Variants in STX18 observed in about 807,000 individuals in gnomAD.
STX18 encodes syntaxin-18.
STX18 carries 40 observed loss-of-function variants against 50.1 expected under a neutral mutation model. That is an observed-to-expected ratio of 0.80 (90% CI 0.62 to 1.04). The LOEUF is 1.04. STX18 is among the 50% of genes least tolerant of loss of function. STX18 has a pLI of 0.00. For missense variants in STX18, 410 were observed against 415.8 expected, an observed-to-expected ratio of 0.99 and a Z score of 0.12; for synonymous variants, 158 against 151.8, an observed-to-expected ratio of 1.04 and a Z score of -0.30.
intron 5 of STX18, among the ~76,000 whole-genome samples, chr4:4,443,053 G>A (rs1726206291): frequency 6.6e-6 from 1 of 152,158 alleles, no homozygotes; most frequent in South Asian, 2.1e-4. Flanking sequence ...CTGTGAAGTA[G>A]GCACTTCCGT....
chr4:4,467,563 T>C (rs1222767211), intron 2 of STX18, among the ~76,000 whole-genome samples: 2 of 152,192 alleles, frequency 1.3e-5, no homozygotes, highest in Admixed American at 6.5e-5. Flanking sequence ...GCTCACCAGC[T>C]GTGATCTTCA....
intron 1 of STX18, among the ~76,000 whole-genome samples, chr4:4,485,586 T>C (rs531379563): frequency 2.6e-4 from 39 of 152,172 alleles, no homozygotes; most frequent in African/African-American, 9.4e-4. Flanking sequence ...GTAAGCAAGA[T>C]ACTCTTAGTA....
At chr4:4,429,176 G>A (rs1477943306) in intron 7 of STX18, among the ~76,000 whole-genome samples, 1 of 152,132 alleles carries the variant, frequency 6.6e-6, no homozygotes, top group African/African-American at 2.4e-5. Flanking sequence ...CTCTCCATAT[G>A]GGTTGCATAA....
intron 1 of STX18, among the ~76,000 whole-genome samples, chr4:4,500,881 A>G (rs915513484): frequency 2.6e-5 from 4 of 152,148 alleles, no homozygotes; most frequent in African/African-American, 4.8e-5. Context: ...ACTAAAAAAT[A>G]CAAAAATTAG....
intron 1 of STX18, among the ~76,000 whole-genome samples, chr4:4,524,703 G>A (rs144826329): frequency 4.7e-4 from 72 of 152,350 alleles, no homozygotes; most frequent in Middle Eastern, 3.4e-3. Flanking sequence ...TTGGTTCACC[G>A]AGTCCAGCCA....
intron 1 of STX18, among the ~76,000 whole-genome samples, chr4:4,541,431 GCAA>G (rs1296797061): frequency 6.6e-6 from 1 of 152,192 alleles, no homozygotes; most frequent in Non-Finnish European, 1.5e-5. Context: ...GGTCAGTGCT[GCAA>G]CAGGAAGCGA....
intron 2 of STX18, among the ~76,000 whole-genome samples, chr4:4,461,066 G>C (rs990495606): frequency 6.6e-6 from 1 of 152,220 alleles, no homozygotes; most frequent in African/African-American, 2.4e-5. Context: ...GAAATGACTA[G>C]TTCCAAGAAC....
At chr4:4,529,441 A>G (rs112774599) in intron 1 of STX18, among the ~76,000 whole-genome samples, 1 of 152,274 alleles carries the variant, frequency 6.6e-6, no homozygotes, top group Admixed American at 6.5e-5. Flanking sequence ...ATATTTCCCC[A>G]AAAGTTAGTC....
At chr4:4,475,266 C>T (rs1178433559) in intron 1 of STX18, among the ~76,000 whole-genome samples, 1 of 152,090 alleles carries the variant, frequency 6.6e-6, no homozygotes, top group Non-Finnish European at 1.5e-5. Flanking sequence ...AAACAGAGTG[C>T]AGGTGGTTCA....
chr4:4,479,968 A>G (rs531782808), intron 1 of STX18, among the ~76,000 whole-genome samples: 4 of 152,346 alleles, frequency 2.6e-5, no homozygotes, highest in African/African-American at 9.6e-5. Context: ...AACATGGATG[A>G]AAGTCCCATA....
intron 1 of STX18, among the ~76,000 whole-genome samples, chr4:4,483,044 C>G (rs1728537161): frequency 6.6e-6 from 1 of 152,152 alleles, no homozygotes; most frequent in Non-Finnish European, 1.5e-5. Context: ...AAAGAGGAGA[C>G]TGACTTTTCT....
rs1435907463 is a variant in STX18 at position 4,511,712 on chromosome 4, TAGTGTGTGTGTGTG to T, written c.168+30071_168+30084del. 3.0e-5 allele frequency among the ~76,000 whole-genome samples: 3 copies of T among 99,856 alleles called. No homozygotes were observed. The Admixed American group carries it at 3.2e-4, about 11-fold the overall frequency. The allele number at this position is 99,856 out of a possible 152,430, so 65.5% of individuals were successfully genotyped here. On this transcript the variant is annotated intron_variant, in intron 1 of 10. Coordinates refer to ENST00000306200, the MANE Select transcript of STX18 (RefSeq NM_016930.4). ...ACAATCACCAAACAACACTCATGAT[TAGTGTGTGTGTGTG>T]TGTGTGTGTGTGTGTGTGTGTGTGT...
chr4:4,510,638 C>A (rs1227137031), intron 1 of STX18, among the ~76,000 whole-genome samples: 1 of 152,142 alleles, frequency 6.6e-6, no homozygotes, highest in Non-Finnish European at 1.5e-5. Context: ...TTTGACCCAG[C>A]AATCCCATTA....
At chr4:4,473,291 C>CTT (rs565584459) in intron 1 of STX18, among the ~76,000 whole-genome samples, 30 of 134,676 alleles carry the variant, frequency 2.2e-4, no homozygotes, top group Middle Eastern at 3.6e-3. Flanking sequence ...GGAAATCTGA[C>CTT]TTTTTTTTTT....
chr4:4,443,960 C>T (rs1003785118), intron 5 of STX18, among the ~76,000 whole-genome samples: 2 of 152,168 alleles, frequency 1.3e-5, no homozygotes, highest in Non-Finnish European at 2.9e-5. Flanking sequence ...TTGCTTGGCT[C>T]CTGGGAGATA....
chr4:4,541,864 C>T lies in STX18; in HGVS notation c.101G>A (p.Ser34Asn). 1 of 1,610,108 alleles carries T rather than the reference C, an allele frequency of 6.2e-7. No individual in the cohort carries two copies. The highest frequency in any genetic ancestry group is 1.1e-5 in the South Asian group (1 of 90,842). ...GVAVGGGVDG[S>N]RDELFRRSPR... is the part of the protein sequence containing the mutation. Reference sequence around the variant, plus strand: ...GCTCCGGCGGAACAGCTCGTCCCGGCTGCCATCGACCCCGCCGCCCACCGC... The same window carrying T: ...GCTCCGGCGGAACAGCTCGTCCCGGTTGCCATCGACCCCGCCGCCCACCGC... The change falls in exon 1 of 11, where the codon AGC (serine) becomes AAC (asparagine). Residue 34 changes from serine (S) to asparagine (N), a missense_variant. Transcript: ENST00000306200.
At chr4:4,528,234 C>T (rs1730894996) in intron 1 of STX18, among the ~76,000 whole-genome samples, 1 of 152,040 alleles carries the variant, frequency 6.6e-6, no homozygotes, top group Admixed American at 6.5e-5. Context: ...GCAAGGAAAC[C>T]CCACTATGCA....
At chr4:4,469,488 G>C (rs1403117912) in intron 2 of STX18, among the ~76,000 whole-genome samples, 1 of 152,112 alleles carries the variant, frequency 6.6e-6, no homozygotes, top group Non-Finnish European at 1.5e-5. Context: ...AGGAAGAAAA[G>C]AACCGGATGA....
At chr4:4,448,394 T>A (rs1023935947) in intron 5 of STX18, among the ~76,000 whole-genome samples, 18 of 151,768 alleles carry the variant, frequency 1.2e-4, no homozygotes, top group Admixed American at 3.3e-4. Context: ...CAGGTTGGAG[T>A]GCAGTGGCAC....
Sources: allele counts gnomAD v4.1 joint callset (sites outside exome capture counted in the v4.1 genomes callset), GRCh38; gene constraint gnomAD v4.1.1; transcripts MANE v1.5; gene names NCBI Gene and HGNC (gene_info 2026-07-23, HGNC 2026-07-21).